Variants in FCMR observed in about 807,000 individuals in gnomAD.
FCMR encodes the protein immunoglobulin mu Fc receptor.
A neutral mutation model predicts 41.6 loss-of-function variants in FCMR; 34 were observed. That is an observed-to-expected ratio of 0.82 (90% confidence interval 0.62 to 1.09). FCMR has a LOEUF of 1.09. Ranked by LOEUF, FCMR falls within the 50% of genes least tolerant of loss-of-function variation. FCMR has a pLI of 0.00. For synonymous variants in FCMR, 209 were observed against 211.8 expected (o/e 0.99, Z 0.12); for missense variants, 496 against 512.5 (o/e 0.97, Z 0.31).
intron 1 of FCMR, chr1:206,921,384 T>C (rs1250246615): frequency 4.5e-6 from 2 of 448,528 alleles, no homozygotes; most frequent in Admixed American, 2.4e-5. Flanking sequence ...GAGGATCACT[T>C]AAGGCCACAA....
chr1:206,908,429 G>A (rs1678775435), intron 7 of FCMR, among the ~76,000 whole-genome samples: 1 of 152,196 alleles, frequency 6.6e-6, no homozygotes, highest in African/African-American at 2.4e-5. Context: ...TTGTGCAGGT[G>A]TAATTTATCT....
At position 206,921,888 on chromosome 1, in the gene FCMR, C is replaced by CCCCTAGAGAGGGGGATGGAGA. The variant is rs1235329582; in HGVS notation, c.-55_-35dup. The CCCCTAGAGAGGGGGATGGAGA allele has an allele frequency of 6.2e-6, 10 of 1,609,652 alleles. No individual in the cohort carries two copies. The African/African-American group carries it at 1.1e-4, about 17-fold the overall frequency. On this transcript the variant is annotated 5_prime_UTR_variant, in exon 1 of 8. Coordinates refer to ENST00000367091, the MANE Select transcript of FCMR (RefSeq NM_005449.5). ...CTAGAGTGCAAGGTCCATCCAAGAG[C>CCCCTAGAGAGGGGGATGGAGA]CCCTAGAGAGGGGGATGGAGACACG... is the stretch of plus-strand genomic sequence containing the variant.
chr1:206,909,609 T>C lies in FCMR; in HGVS notation c.986-89A>G. 1.7e-6 allele frequency: 2 copies of C among 1,197,026 alleles called. No homozygotes were observed. Among genetic ancestry groups the C allele is most frequent in the Non-Finnish European group, 1.1e-6 (1 of 931,072 alleles). The allele number at this position is 1,197,026 out of a possible 1,614,324, so 74.2% of individuals were successfully genotyped here. A position where few individuals can be genotyped will look rare whatever the true frequency, so the allele number is the denominator to read the frequency against. On this transcript the variant is annotated intron_variant, in intron 6 of 7. Transcript: ENST00000367091. The surrounding 1 kb of genome is among the most constrained non-coding windows in gnomAD (Gnocchi z 5.0). ...ACTCCCAGCTCCACCCCCGCCCCAC[T>C]CCCAGCTCCACCCTGTGGGAAGCCC...
At chr1:206,917,717 C>T (rs1679251162) in intron 1 of FCMR, 1 of 431,472 alleles carries the variant, frequency 2.3e-6, no homozygotes, top group African/African-American at 2.1e-5. Flanking sequence ...GCCTCCACTT[C>T]CTGGGCTCAA....
At chr1:206,918,864 C>T (rs1436581390) in intron 1 of FCMR, among the ~76,000 whole-genome samples, 3 of 151,918 alleles carry the variant, frequency 2.0e-5, no homozygotes, top group African/African-American at 4.8e-5. Context: ...TGCGCTAGGC[C>T]CTAGGGAGAC....
chr1:206,919,860 A>G (rs1401020024), intron 1 of FCMR, among the ~76,000 whole-genome samples: 1 of 152,132 alleles, frequency 6.6e-6, no homozygotes, highest in African/African-American at 2.4e-5. Context: ...GTGCCCTCCT[A>G]TGTCCTACTA....
Position 206,921,885 on chromosome 1 carries a change from G to A in FCMR, c.-31C>T. On this transcript the variant is annotated 5_prime_UTR_variant, in exon 1 of 8. Transcript: ENST00000367091. ...CTTCTAGAGTGCAAGGTCCATCCAA[G>A]AGCCCCTAGAGAGGGGGATGGAGAC... 6.2e-7 allele frequency: 1 copy of A among 1,610,724 alleles called. No individual in the cohort carries two copies. Among genetic ancestry groups the A allele is most frequent in the Non-Finnish European group, 8.5e-7 (1 of 1,177,032 alleles).
intron 3 of FCMR, 96 bp downstream of exon 3, chr1:206,912,833 C>T: frequency 1.2e-6 from 1 of 865,586 alleles, no homozygotes; most frequent in South Asian, 1.4e-5. Flanking sequence ...TCAGCTCTGC[C>T]AGCCACTCTA....
At chr1:206,907,103 T>TGGGGGG (rs75679471) in intron 7 of FCMR, among the ~76,000 whole-genome samples, 8 of 43,392 alleles carry the variant, frequency 1.8e-4, no homozygotes, top group African/African-American at 4.2e-4. Context: ...GGTGGGGGGG[T>TGGGGGG]GGGGGGGGGG....
intron 7 of FCMR, among the ~76,000 whole-genome samples, chr1:206,908,852 A>G (rs1224229269): frequency 6.6e-6 from 1 of 152,224 alleles, no homozygotes; most frequent in Non-Finnish European, 1.5e-5. Context: ...TTAAAGATGA[A>G]CGGATAAAGG....
intron 1 of FCMR, among the ~76,000 whole-genome samples, chr1:206,914,318 C>T (rs531986797): frequency 6.0e-5 from 1 of 16,786 alleles, no homozygotes; most frequent in Admixed American, 5.2e-4. Context: ...TCTTTCCTTC[C>T]TTCCTTCCTT....
chr1:206,908,230 G>A (rs1292964204), intron 7 of FCMR: 2 of 1,382,912 alleles, frequency 1.4e-6, no homozygotes. Flanking sequence ...CCTGGTCTGA[G>A]CCCAATAAAG....
rs1277415546 is a variant in FCMR at position 206,909,743 on chromosome 1, G to T, written c.967C>A (p.Arg323Ser). The T allele has an allele frequency of 2.7e-6, 4 of 1,462,424 alleles. No individual in the cohort carries two copies. The highest frequency in any genetic ancestry group is 1.3e-5 in the South Asian group (1 of 74,804). The allele number at this position is 1,462,424 out of a possible 1,614,324, so 90.6% of individuals were successfully genotyped here. A position where few individuals can be genotyped will look rare whatever the true frequency, so the allele number is the denominator to read the frequency against. The change falls in exon 6 of 8, where the codon CGT (arginine) becomes AGT (serine). Residue 323 changes from arginine (R) to serine (S), a missense_variant. Physicochemically the swap from Arg to Ser is moderately radical, Grantham distance 110. Transcript: ENST00000367091. The surrounding 1 kb of genome is among the most constrained non-coding windows in gnomAD (Gnocchi z 5.0). ...NIYSACPRRARGADAAGTGEA... is the reference protein window; with the variant it reads ...NIYSACPRRASGADAAGTGEA... ...GGCTCACCTGCAGCGTCCGCTCCACGAGCGCGCCGCGGGCAGGCGCTGTAG... is the reference window on the plus strand; with the variant it reads ...GGCTCACCTGCAGCGTCCGCTCCACTAGCGCGCCGCGGGCAGGCGCTGTAG...
intron 7 of FCMR, among the ~76,000 whole-genome samples, chr1:206,907,087 TGGGGGGGTGGGGGGGTGG>T (rs1678685052): frequency 5.1e-5 from 1 of 19,542 alleles, no homozygotes; most frequent in African/African-American, 1.7e-4. Context: ...AGCCGGGGGG[TGGGGGGGTGGGGGGGTGG>T]GGGGGGGGTG....
chr1:206,912,846 A>T lies in FCMR; in HGVS notation c.487+83T>A, dbSNP rs1679003191. The T allele has an allele frequency of 3.1e-6, 3 of 957,784 alleles. No individual in the cohort carries two copies. In the East Asian group the frequency reaches 7.3e-5, roughly 23 times the overall value. The allele number at this position is 957,784 out of a possible 1,614,324, so 59.3% of individuals were successfully genotyped here. On this transcript the variant is annotated intron_variant, in intron 3 of 7. Transcript: ENST00000367091. ...GCTCAGCTCTGCCAGCCACTCTATG[A>T]ACTGAACATAGACCCCCTCCTCCAT...
At chr1:206,908,356 G>T (rs943318861) in intron 7 of FCMR, 1 of 590,202 alleles carries the variant, frequency 1.7e-6, no homozygotes, top group African/African-American at 1.9e-5. Context: ...GACATAGGAA[G>T]CTGGGAGCAA....
At chr1:206,915,985 A>G (rs1679175752) in intron 1 of FCMR, among the ~76,000 whole-genome samples, 1 of 146,830 alleles carries the variant, frequency 6.8e-6, no homozygotes, top group Non-Finnish European at 1.5e-5. Flanking sequence ...GGGAGGGGGA[A>G]AGGGGGTTGG....
At chr1:206,920,442 G>A (rs1285893033) in intron 1 of FCMR, among the ~76,000 whole-genome samples, 2 of 133,906 alleles carry the variant, frequency 1.5e-5, no homozygotes, top group African/African-American at 3.2e-5. Flanking sequence ...GCAACAGAGA[G>A]AGACTCTGTC....
At position 206,909,697 on chromosome 1, in the gene FCMR, A is replaced by T; in HGVS notation, c.985+28T>A. On this transcript the variant is annotated intron_variant, in intron 6 of 7. Transcript: ENST00000367091. This position sits in a 1 kb window ranked among gnomAD's most constrained non-coding sequence, Gnocchi z 5.0. ...CCGGAGCCAGCGCACTCTTTCCGCT[A>T]CTCCCCGTGGCCCGCCCGGCGGCTC... 7.2e-7 allele frequency: 1 copy of T among 1,393,272 alleles called. No individual in the cohort carries two copies. Among genetic ancestry groups the T allele is most frequent in the Non-Finnish European group, 9.2e-7 (1 of 1,085,650 alleles). 86.3% of individuals were successfully genotyped at this position (1,393,272 alleles called of 1,614,324 possible).
Sources: allele counts gnomAD v4.1 joint callset (sites outside exome capture counted in the v4.1 genomes callset), GRCh38; gene constraint gnomAD v4.1.1; non-coding constraint Gnocchi (gnomAD v3.1); transcripts MANE v1.5; gene names NCBI Gene and HGNC (gene_info 2026-07-23, HGNC 2026-07-21).